Variants in PPP4R3B observed in about 807,000 individuals in gnomAD.
PPP4R3B encodes serine/threonine-protein phosphatase 4 regulatory subunit 3B.
In PPP4R3B, 52 loss-of-function variants were observed where a neutral mutation model predicts 95.4. The ratio of observed to expected loss-of-function variants is 0.54; its 90% CI spans 0.44 to 0.69. The LOEUF (loss-of-function observed/expected upper bound fraction) is 0.69, where lower values mean the gene tolerates loss of function less well. Ranked by LOEUF, PPP4R3B falls within the 30% of genes least tolerant of loss-of-function variation. PPP4R3B has a pLI of 0.00. For missense variants in PPP4R3B, 1,003 were observed against 1,005.9 expected, an observed-to-expected ratio of 1.00 and a Z score of 0.04; for synonymous variants, 407 against 343.9, an observed-to-expected ratio of 1.18 and a Z score of -2.03.
chr2:55,615,881 A>AAAAAAAAC (rs1694847479), intron 1 of PPP4R3B, among the ~76,000 whole-genome samples: 1 of 143,288 alleles, frequency 7.0e-6, no homozygotes, highest in African/African-American at 2.7e-5. Context: ...AAAAAAAAAA[A>AAAAAAAAC]ATACACATTT....
rs1574739614 is a variant in PPP4R3B, at chr2:55,571,085, T to C, written c.1765+2534A>G. 2.0e-5 allele frequency among the ~76,000 whole-genome samples: 3 copies of C among 151,910 alleles called. No individual in the cohort carries two copies. In the South Asian group the frequency reaches 6.2e-4, roughly 32 times the overall value. On this transcript the variant is annotated intron_variant, in intron 12 of 16. Coordinates refer to ENST00000616407, the MANE Select transcript of PPP4R3B (RefSeq NM_001122964.3). ...CAGCCCTTTGGGAGGCTGAGGAGGG[T>C]GGATCATGAGGTCAGGAGTTTGAGA...
At chr2:55,582,260 G>C (rs897567019) in intron 7 of PPP4R3B, among the ~76,000 whole-genome samples, 6 of 151,994 alleles carry the variant, frequency 3.9e-5, no homozygotes, top group Non-Finnish European at 7.4e-5. Flanking sequence ...CATGCTCTTG[G>C]ATTTTATTTA....
intron 2 of PPP4R3B, among the ~76,000 whole-genome samples, chr2:55,608,866 T>C (rs139173884): frequency 9.9e-5 from 15 of 152,208 alleles, no homozygotes; most frequent in African/African-American, 3.6e-4. Context: ...GCGCCTGCAG[T>C]CCCAGCTACT....
chr2:55,588,588 T>G (rs1454852858), intron 5 of PPP4R3B, among the ~76,000 whole-genome samples: 1 of 152,004 alleles, frequency 6.6e-6, no homozygotes, highest in Non-Finnish European at 1.5e-5. Flanking sequence ...ATGTATGAAT[T>G]TTGTAGTTCT....
At chr2:55,579,856 C>A in intron 8 of PPP4R3B, 75 bp from the exon 9 acceptor site, 1 of 872,002 alleles carries the variant, frequency 1.1e-6, no homozygotes, top group Non-Finnish European at 1.7e-6. Context: ...CAGTACATAC[C>A]TTTTCCAGAA....
intron 16 of PPP4R3B, among the ~76,000 whole-genome samples, chr2:55,558,547 G>A (rs1170354708): frequency 6.6e-6 from 1 of 152,066 alleles, no homozygotes; most frequent in East Asian, 1.9e-4. Context: ...GGCGGAGGTT[G>A]CAGTGAGCTG....
At chr2:55,562,159 T>C (rs200131348) in intron 15 of PPP4R3B, among the ~76,000 whole-genome samples, 1 of 152,148 alleles carries the variant, frequency 6.6e-6, no homozygotes, top group Middle Eastern at 3.2e-3. Context: ...TGGTGGCTCA[T>C]GCCTGTAATC....
chr2:55,555,403 G>C (rs992152219), intron 16 of PPP4R3B, among the ~76,000 whole-genome samples: 28 of 151,472 alleles, frequency 1.8e-4, no homozygotes, highest in African/African-American at 6.8e-4. Context: ...ATCACCACTT[G>C]AGTAAAGTTT....
chr2:55,598,815 T>A lies in PPP4R3B; in HGVS notation c.522A>T (p.Lys174Asn), dbSNP rs749095328. Residue 174 changes from lysine to asparagine, a missense_variant, in exon 4 of 17, where the codon AAA becomes AAT. Lys to Asn is a moderately conservative substitution (Grantham distance 94). This residue lies in a region of PPP4R3B where 695 missense variants were observed against 686.2 expected (regional missense o/e 1.01). Coordinates refer to ENST00000616407, the MANE Select transcript of PPP4R3B (RefSeq NM_001122964.3). ...CGCAAGCTTGGAACAGCTGCAATAGTTTTTTAATATAGCCTTCATTTTCCA... is the reference window on the plus strand; with the variant it reads ...CGCAAGCTTGGAACAGCTGCAATAGATTTTTAATATAGCCTTCATTTTCCA... ...LALENEGYIK[K>N]LLQLFQACEN... 6.2e-7 allele frequency: 1 copy of A among 1,614,190 alleles called. No homozygotes were observed. Among genetic ancestry groups the A allele is most frequent in the East Asian group, 2.2e-5 (1 of 44,878 alleles).
chr2:55,595,366 A>C (rs1404216057), intron 4 of PPP4R3B, among the ~76,000 whole-genome samples: 3 of 151,898 alleles, frequency 2.0e-5, no homozygotes, highest in South Asian at 4.2e-4. Flanking sequence ...ACAGTGGCTC[A>C]TATCTATAAT....
At chr2:55,552,761 G>A (rs377282328) in intron 16 of PPP4R3B, among the ~76,000 whole-genome samples, 36 of 152,244 alleles carry the variant, frequency 2.4e-4, no homozygotes, top group African/African-American at 8.2e-4. Flanking sequence ...TTTAAAAAGT[G>A]AATACCAGCA....
At chr2:55,575,884 T>C (rs1688602325) in intron 11 of PPP4R3B, among the ~76,000 whole-genome samples, 1 of 152,226 alleles carries the variant, frequency 6.6e-6, no homozygotes, top group Admixed American at 6.5e-5. Flanking sequence ...GGAAATAAAT[T>C]AGCATTGTAA....
chr2:55,563,849 T>G (rs1044105750), intron 15 of PPP4R3B, among the ~76,000 whole-genome samples: 1 of 152,248 alleles, frequency 6.6e-6, no homozygotes, highest in African/African-American at 2.4e-5. Flanking sequence ...GAAGTTTTAC[T>G]TTTTCACTTC....
Position 55,604,309 on chromosome 2 carries a change from A to G in PPP4R3B, c.199-233T>C, listed in dbSNP as rs150747917. 8.2e-3 allele frequency among the ~76,000 whole-genome samples: 1,251 copies of G among 152,300 alleles called. 18 individuals are homozygous for G. Among genetic ancestry groups the G allele is most frequent in the African/African-American group, 0.028 (1,153 of 41,580 alleles). ...ACAAAAAATATTAAAACAGGCTAGT[A>G]GGCTCTGACTCATGTTACTCAAATA... is the stretch of plus-strand genomic sequence containing the variant. On this transcript the variant is annotated intron_variant, in intron 2 of 16. Transcript: ENST00000616407.
At chr2:55,605,895 A>G (rs1326257929) in intron 2 of PPP4R3B, among the ~76,000 whole-genome samples, 1 of 135,680 alleles carries the variant, frequency 7.4e-6, no homozygotes, top group African/African-American at 3.0e-5. Flanking sequence ...ACAGTGCGAG[A>G]CTCCGTCTCA....
rs552686056 is a variant in PPP4R3B at position 55,600,374 on chromosome 2, C to T, written c.298-1335G>A. ...CTGGGAGGCGGAGGTTGCAGTGAGC[C>T]GAGATCACACCACTGCACTCTTGCC... On this transcript the variant is annotated intron_variant, in intron 3 of 16. Transcript: ENST00000616407. Among the ~76,000 whole-genome samples the T allele has an allele frequency of 3.3e-5, 4 of 122,140 alleles. No individual in the cohort carries two copies. In the South Asian group the frequency reaches 8.0e-4, roughly 24 times the overall value. The allele number at this position is 122,140 out of a possible 152,430, so 80.1% of individuals were successfully genotyped here. A position where few individuals can be genotyped will look rare whatever the true frequency, so the allele number is the denominator to read the frequency against.
chr2:55,591,761 C>T (rs1018141434), intron 4 of PPP4R3B: 5 of 664,416 alleles, frequency 7.5e-6, no homozygotes, highest in Non-Finnish European at 7.4e-6. Context: ...ATATGTATTC[C>T]TAGTATTTTT....
intron 12 of PPP4R3B, among the ~76,000 whole-genome samples, chr2:55,572,284 CCAT>C (rs1688108553): frequency 1.3e-5 from 2 of 151,974 alleles, no homozygotes; most frequent in Non-Finnish European, 2.9e-5. Context: ...GACATTTTTG[CCAT>C]CATAAGGAAA....
At chr2:55,560,366 T>C (rs1489128398) in intron 15 of PPP4R3B, among the ~76,000 whole-genome samples, 2 of 152,368 alleles carry the variant, frequency 1.3e-5, no homozygotes, top group East Asian at 3.9e-4. Context: ...ATACTTGGTA[T>C]GCTTTAGCAA....
Sources: allele counts gnomAD v4.1 joint callset (sites outside exome capture counted in the v4.1 genomes callset), GRCh38; gene constraint gnomAD v4.1.1; regional missense constraint gnomAD v4.1.1; transcripts MANE v1.5; gene names NCBI Gene and HGNC (gene_info 2026-07-23, HGNC 2026-07-21).